Variants in PRRC2B observed in about 807,000 individuals in gnomAD.
The protein encoded by PRRC2B is protein PRRC2B.
In PRRC2B, 68 loss-of-function variants were observed where a neutral mutation model predicts 242.3. The ratio of observed to expected loss-of-function variants is 0.28; its 90% CI spans 0.23 to 0.34. The LOEUF (loss-of-function observed/expected upper bound fraction) is 0.34. Among genes scored for constraint, PRRC2B ranks in the 10% least tolerant of loss-of-function variants. The probability of loss-of-function intolerance (pLI) is 1.00; values close to 1 mark genes in which losing one functional copy is unlikely to be tolerated. For synonymous variants in PRRC2B, 1,228 were observed against 1,173.6 expected (o/e 1.05, Z -0.95); for missense variants, 2,835 against 2,954.8 (o/e 0.96, Z 0.94).
upstream of PRRC2B, among the ~76,000 whole-genome samples, chr9:131,389,925 TTG>T (rs1491033524): frequency 3.8e-3 from 490 of 130,310 alleles, 68 homozygotes; most frequent in African/African-American, 0.011. Context: ...GTTTTTTTTT[TTG>T]TTTTTTTTTT....
intron 4 of PRRC2B, among the ~76,000 whole-genome samples, chr9:131,438,492 G>A (rs2131337912): frequency 6.6e-6 from 1 of 152,300 alleles, no homozygotes; most frequent in South Asian, 2.1e-4. Context: ...TAGAGTCACG[G>A]TCACTACAGA....
intron 1 of PRRC2B, among the ~76,000 whole-genome samples, chr9:131,427,371 C>G (rs553678951): frequency 7.2e-5 from 11 of 152,074 alleles, no homozygotes; most frequent in African/African-American, 2.7e-4. Flanking sequence ...TGCTCTGTTG[C>G]CCAGGCTGGA....
chr9:131,389,691 A>G (rs921355714), upstream of PRRC2B, among the ~76,000 whole-genome samples: 5 of 149,910 alleles, frequency 3.3e-5, no homozygotes, highest in African/African-American at 9.7e-5. Flanking sequence ...GTGGTTGGTC[A>G]GGAGCCATGA....
chr9:131,464,427 T>C (rs80144932), intron 11 of PRRC2B, among the ~76,000 whole-genome samples: 15 of 152,328 alleles, frequency 9.8e-5, no homozygotes, highest in Non-Finnish European at 2.2e-4. Flanking sequence ...TTAGCTTGCA[T>C]GCCCATCAGC....
intron 5 of PRRC2B, among the ~76,000 whole-genome samples, chr9:131,439,897 C>G (rs1053849698): frequency 3.9e-5 from 2 of 51,294 alleles, no homozygotes; most frequent in African/African-American, 1.3e-4. Flanking sequence ...CGACATCTGG[C>G]TGATTTTTTT....
intron 1 of PRRC2B, among the ~76,000 whole-genome samples, chr9:131,410,283 G>A (rs1454819640): frequency 6.6e-6 from 1 of 152,240 alleles, no homozygotes; most frequent in African/African-American, 2.4e-5. Context: ...TGTGGGTGAG[G>A]AGCCCAGAGC....
At chr9:131,429,861 G>T (rs1383015324) in intron 1 of PRRC2B, among the ~76,000 whole-genome samples, 3 of 152,042 alleles carry the variant, frequency 2.0e-5, no homozygotes, top group Non-Finnish European at 4.4e-5. Flanking sequence ...GGTTGGGGGG[G>T]TACTCCACAG....
At chr9:131,443,272 T>C (rs1186150237) in intron 5 of PRRC2B, among the ~76,000 whole-genome samples, 2 of 151,866 alleles carry the variant, frequency 1.3e-5, no homozygotes, top group Non-Finnish European at 2.9e-5. Context: ...TAGCTGGGAC[T>C]ACAGGCGCCC....
chr9:131,414,006 G>T (rs149952671), intron 1 of PRRC2B, among the ~76,000 whole-genome samples: 8 of 152,294 alleles, frequency 5.3e-5, no homozygotes, highest in Admixed American at 5.2e-4. Context: ...CAAAGCTGAA[G>T]GACATATCCT....
At chr9:131,389,365 C>A (rs150849056), upstream of PRRC2B, among the ~76,000 whole-genome samples, 1 of 149,636 alleles carries the variant, frequency 6.7e-6, no homozygotes, top group East Asian at 2.0e-4. Flanking sequence ...CCATGTTGGT[C>A]AGGCTGGTCT....
chr9:131,379,335 G>T (rs1244821007), intron 1 of PRRC2B, among the ~76,000 whole-genome samples: 1 of 152,144 alleles, frequency 6.6e-6, no homozygotes, highest in African/African-American at 2.4e-5. Context: ...GGTCATATGA[G>T]AATTCTGTGT....
Position 131,499,683 on chromosome 9 carries a change from TTGG to T in PRRC2B, c.*3813_*3815del, listed in dbSNP as rs1393401513. On this transcript the variant is annotated 3_prime_UTR_variant, in exon 32 of 32. Transcript: ENST00000683519. ...CTGCTCTTCACTGTTTCCACCCCAC[TTGG>T]TGGCCTCCAGGATGGTAGTGGCACC... 1 of 152,206 alleles carries T rather than the reference TTGG, an allele frequency of 6.6e-6. No homozygotes were observed. The highest frequency in any genetic ancestry group is 1.5e-5 in the Non-Finnish European group (1 of 68,042). The allele number at this position is 152,206 out of a possible 1,614,324, so 9.4% of individuals were successfully genotyped here.
Position 131,475,188 on chromosome 9 carries a change from T to A in PRRC2B, c.3059T>A (p.Phe1020Tyr). ...HATFGREATKFEEEEKPDKAW... is the reference protein window; with the variant it reads ...HATFGREATKYEEEEKPDKAW... ...ACTTTTGGCCGCGAGGCCACCAAAT[T>A]TGAAGAGGAGGAGAAACCTGACAAG... is the stretch of plus-strand genomic sequence containing the variant. The change falls in exon 16 of 32, where the codon TTT (phenylalanine) becomes TAT (tyrosine). Residue 1020 changes from phenylalanine (F) to tyrosine (Y), a missense_variant. This residue lies in a region of PRRC2B where 1,536 missense variants were observed against 1,483.1 expected (regional missense o/e 1.04). Transcript: ENST00000683519. The A allele has an allele frequency of 6.2e-7, 1 of 1,613,610 alleles. No individual in the cohort carries two copies. The highest frequency in any genetic ancestry group is 8.5e-7 in the Non-Finnish European group (1 of 1,179,800).
chr9:131,454,645 T>C (rs544376972), intron 9 of PRRC2B, among the ~76,000 whole-genome samples: 2 of 151,880 alleles, frequency 1.3e-5, no homozygotes, highest in African/African-American at 4.8e-5. Flanking sequence ...TTTTCTTTTT[T>C]TTTTTTTCGA....
intron 4 of PRRC2B, 74 bp from the exon 5 acceptor site, chr9:131,438,915 C>G: frequency 1.7e-6 from 2 of 1,205,828 alleles, no homozygotes; most frequent in Non-Finnish European, 2.4e-6. Flanking sequence ...CTCTCAGCAC[C>G]TTGTTGTAAT....
intron 16 of PRRC2B, 98 bp downstream of exon 16, chr9:131,476,633 C>A: frequency 8.8e-7 from 1 of 1,132,252 alleles, no homozygotes; most frequent in Non-Finnish European, 1.2e-6. Context: ...TGTGTCGGGG[C>A]TGGGGGCCTG....
At chr9:131,464,156 G>C (rs1199133664) in intron 11 of PRRC2B, among the ~76,000 whole-genome samples, 1 of 152,178 alleles carries the variant, frequency 6.6e-6, no homozygotes, top group African/African-American at 2.4e-5. Flanking sequence ...TGGCCAGGCT[G>C]GTCTCGAACT....
At chr9:131,410,690 C>T (rs1837485631) in intron 1 of PRRC2B, among the ~76,000 whole-genome samples, 1 of 152,156 alleles carries the variant, frequency 6.6e-6, no homozygotes, top group African/African-American at 2.4e-5. Flanking sequence ...TATTTTGTTT[C>T]TTCGTTCAAG....
At chr9:131,455,010 C>G in intron 9 of PRRC2B, 66 bp from the exon 10 acceptor site, 1 of 1,267,612 alleles carries the variant, frequency 7.9e-7, no homozygotes, top group Non-Finnish European at 1.1e-6. Flanking sequence ...GCATGAGCCA[C>G]CACGTCCGGC....
Sources: allele counts gnomAD v4.1 joint callset (sites outside exome capture counted in the v4.1 genomes callset), GRCh38; gene constraint gnomAD v4.1.1; regional missense constraint gnomAD v4.1.1; transcripts MANE v1.5; gene names NCBI Gene and HGNC (gene_info 2026-07-23, HGNC 2026-07-21).